Variants in TMEM40 observed in about 807,000 individuals in gnomAD.
TMEM40 encodes the protein transmembrane protein 40.
In TMEM40, 34 loss-of-function variants were observed where a neutral mutation model predicts 40.8. The ratio of observed to expected loss-of-function variants is 0.83; its 90% CI spans 0.63 to 1.11. The LOEUF (loss-of-function observed/expected upper bound fraction) is 1.11. Among genes scored for constraint, TMEM40 ranks in the 50% least tolerant of loss-of-function variants. The pLI is 0.00. For missense variants in TMEM40, 296 were observed against 280.2 expected (o/e 1.06, Z -0.40); for synonymous variants, 106 against 107.0 (o/e 0.99, Z 0.06).
upstream of TMEM40, among the ~76,000 whole-genome samples, chr3:12,761,450 C>G (rs1467078196): frequency 6.6e-6 from 1 of 151,794 alleles, no homozygotes; most frequent in Admixed American, 6.6e-5. Context: ...ACTGAAAATA[C>G]AAAAAATTAG....
intron 1 of TMEM40, among the ~76,000 whole-genome samples, chr3:12,764,905 T>A (rs2061587090): frequency 6.6e-6 from 1 of 152,146 alleles, no homozygotes; most frequent in Non-Finnish European, 1.5e-5. Flanking sequence ...AGAGTCTCAC[T>A]CTATTGCCCA....
upstream of TMEM40, among the ~76,000 whole-genome samples, chr3:12,763,259 T>G (rs1001188241): frequency 6.6e-6 from 1 of 151,902 alleles, no homozygotes; most frequent in African/African-American, 2.4e-5. Flanking sequence ...ACTCCCAAGT[T>G]CAGGTACTTC....
At chr3:12,763,729 T>C (rs962640322), upstream of TMEM40, among the ~76,000 whole-genome samples, 1 of 152,132 alleles carries the variant, frequency 6.6e-6, no homozygotes, top group Non-Finnish European at 1.5e-5. Flanking sequence ...AGGCAGCGCC[T>C]GGCACACGTC....
At chr3:12,764,495 A>G (rs1332536895) in intron 1 of TMEM40, among the ~76,000 whole-genome samples, 1 of 152,240 alleles carries the variant, frequency 6.6e-6, no homozygotes, top group Non-Finnish European at 1.5e-5. Context: ...AAGCTCCTGC[A>G]CGTGCCACTT....
chr3:12,738,903 C>T (rs6797418), intron 5 of TMEM40: 5,937 of 318,170 alleles, frequency 0.019, 298 homozygotes, highest in African/African-American at 0.11. Flanking sequence ...GCCTGTAATA[C>T]CAGCACTTTG....
chr3:12,755,225 C>CTTTCTT (rs59066900), intron 1 of TMEM40, among the ~76,000 whole-genome samples: 75 of 78,990 alleles, frequency 9.5e-4, no homozygotes, highest in Middle Eastern at 5.4e-3. Flanking sequence ...CTCTCTCTCT[C>CTTTCTT]TCTCTCTCTC....
chr3:12,768,782 G>A (rs936951805), intron 1 of TMEM40, among the ~76,000 whole-genome samples: 2 of 152,098 alleles, frequency 1.3e-5, no homozygotes, highest in African/African-American at 2.4e-5. Context: ...CCAGTCCCGC[G>A]CAGTGCTCCC....
chr3:12,754,272 A>G (rs1575742829), intron 1 of TMEM40, among the ~76,000 whole-genome samples: 2 of 152,270 alleles, frequency 1.3e-5, no homozygotes, highest in Non-Finnish European at 1.5e-5. Context: ...AGACCGCACC[A>G]CTGCACTCCA....
chr3:12,742,521 A>G lies in TMEM40; in HGVS notation c.302-14T>C. ...CATGCCCAGGACCTGGATGGAGACAAACCCCTTAGTCAGCACTCCCCAAAC... is the reference window on the plus strand; with the variant it reads ...CATGCCCAGGACCTGGATGGAGACAGACCCCTTAGTCAGCACTCCCCAAAC... On this transcript the variant is annotated splice_polypyrimidine_tract_variant and intron_variant, in intron 4 of 11. Coordinates refer to ENST00000314124, the MANE Select transcript of TMEM40 (RefSeq NM_018306.4). 6.2e-7 allele frequency: 1 copy of G among 1,613,728 alleles called. No homozygotes were observed. Among genetic ancestry groups the G allele is most frequent in the Non-Finnish European group, 8.5e-7 (1 of 1,179,778 alleles).
chr3:12,738,256 T>C, intron 6 of TMEM40, 88 bp from the exon 7 acceptor site: 9 of 1,445,544 alleles, frequency 6.2e-6, no homozygotes, highest in Non-Finnish European at 8.7e-6. Flanking sequence ...ATAGGTGACC[T>C]AAAAAAATGT....
chr3:12,763,954 C>A (rs1343870490), upstream of TMEM40, among the ~76,000 whole-genome samples: 3 of 152,060 alleles, frequency 2.0e-5, no homozygotes, highest in African/African-American at 7.2e-5. Flanking sequence ...CTCACTCTGT[C>A]GCCCAGGCTG....
intron 1 of TMEM40, among the ~76,000 whole-genome samples, chr3:12,767,008 T>C (rs906159779): frequency 2.0e-5 from 3 of 152,002 alleles, no homozygotes; most frequent in African/African-American, 7.2e-5. Flanking sequence ...GGGAGAGAGA[T>C]GTCTGCGCCT....
chr3:12,739,373 C>T (rs887208980), intron 5 of TMEM40, among the ~76,000 whole-genome samples: 2 of 152,006 alleles, frequency 1.3e-5, no homozygotes, highest in Non-Finnish European at 2.9e-5. Context: ...CAAGCTCCGC[C>T]TCCCGGGTTC....
At chr3:12,756,870 A>T (rs6798493) in intron 1 of TMEM40, among the ~76,000 whole-genome samples, 6,848 of 151,688 alleles carry the variant, frequency 0.045, 159 homozygotes, top group African/African-American at 0.055. Flanking sequence ...TCTCTCTCTC[A>T]CACACACACA....
chr3:12,756,627 C>T (rs888788761), intron 1 of TMEM40, among the ~76,000 whole-genome samples: 6 of 152,158 alleles, frequency 3.9e-5, no homozygotes, highest in Non-Finnish European at 8.8e-5. Flanking sequence ...TCGCATCGTC[C>T]TAACTTGGTG....
intron 1 of TMEM40, among the ~76,000 whole-genome samples, chr3:12,755,355 A>T (rs1296618744): frequency 6.6e-6 from 1 of 150,984 alleles, no homozygotes; most frequent in Non-Finnish European, 1.5e-5. Flanking sequence ...GGCTCACTGC[A>T]GCCTTGAACT....
At chr3:12,749,407 A>T (rs186032150) in intron 2 of TMEM40, among the ~76,000 whole-genome samples, 1 of 152,202 alleles carries the variant, frequency 6.6e-6, no homozygotes, top group East Asian at 1.9e-4. Context: ...TCCTCTGTAC[A>T]TTACAGCCAA....
Position 12,738,449 on chromosome 3 carries a change from A to G in TMEM40, c.391+104T>C, listed in dbSNP as rs2061354604. 3.7e-6 allele frequency: 5 copies of G among 1,339,286 alleles called. No homozygotes were observed. In the Admixed American group the frequency reaches 8.5e-5, roughly 23 times the overall value. The allele number at this position is 1,339,286 out of a possible 1,614,324, so 83.0% of individuals were successfully genotyped here. ...TGGACCTGGGGCTCCTGTTTCTCAG[A>G]GCCAGGTATCCCAACAGGTGCTGGC... is the stretch of plus-strand genomic sequence containing the variant. On this transcript the variant is annotated intron_variant, in intron 6 of 11. Coordinates refer to ENST00000314124, the MANE Select transcript of TMEM40 (RefSeq NM_018306.4).
At chr3:12,749,257 C>T (rs2061454384) in intron 2 of TMEM40, among the ~76,000 whole-genome samples, 1 of 152,150 alleles carries the variant, frequency 6.6e-6, no homozygotes, top group African/African-American at 2.4e-5. Context: ...ATCTCCTGAC[C>T]TTCTGATCTG....
Sources: allele counts gnomAD v4.1 joint callset (sites outside exome capture counted in the v4.1 genomes callset), GRCh38; gene constraint gnomAD v4.1.1; transcripts MANE v1.5; gene names NCBI Gene and HGNC (gene_info 2026-07-23, HGNC 2026-07-21).